Variants in SNX18 observed in about 807,000 individuals in gnomAD.
SNX18 encodes sorting nexin-18.
In SNX18, 35 loss-of-function variants were observed where a neutral mutation model predicts 48.7. The ratio of observed to expected loss-of-function variants is 0.72; its 90% CI spans 0.55 to 0.95. SNX18 has a LOEUF of 0.95. SNX18 is among the 40% of genes least tolerant of loss of function. SNX18 has a pLI of 0.00. For synonymous variants in SNX18, 492 were observed against 384.7 expected (o/e 1.28, Z -3.26); for missense variants, 824 against 871.0 (o/e 0.95, Z 0.68).
the SNX18 span, among the ~76,000 whole-genome samples, chr5:54,559,551 A>T: frequency 6.6e-6 from 1 of 152,170 alleles, no homozygotes. Context: ...CCTTCCTTAC[A>T]TCATATAATC....
At chr5:54,607,859 G>A in the SNX18 span, among the ~76,000 whole-genome samples, 12 of 152,208 alleles carry the variant, frequency 7.9e-5, no homozygotes, top group South Asian at 2.3e-3. Context: ...GCTTGAACCT[G>A]GGAGGCAGAG....
the SNX18 span, among the ~76,000 whole-genome samples, chr5:54,640,892 T>C: frequency 6.6e-6 from 1 of 152,232 alleles, no homozygotes; most frequent in Non-Finnish European, 1.5e-5. Flanking sequence ...AAACCCCATC[T>C]CTACTAAAAA....
At chr5:54,578,573 T>C in the SNX18 span, among the ~76,000 whole-genome samples, 1 of 152,186 alleles carries the variant, frequency 6.6e-6, no homozygotes, top group African/African-American at 2.4e-5. Context: ...GCTGCCTTTG[T>C]GGGGAGCTGA....
the SNX18 span, among the ~76,000 whole-genome samples, chr5:54,626,944 A>G: frequency 1.3e-5 from 2 of 152,216 alleles, no homozygotes; most frequent in Non-Finnish European, 2.9e-5. Context: ...TCTGCTTCAT[A>G]TGGTGGGCCC....
At chr5:54,532,319 C>CTTTTTTTTTTTTTTT (rs57856245) in intron 1 of SNX18, among the ~76,000 whole-genome samples, 2 of 130,992 alleles carry the variant, frequency 1.5e-5, no homozygotes, top group African/African-American at 2.9e-5. Context: ...TTTTTTTTTT[C>CTTTTTTTTTTTTTTT]TTTTTTTTTT....
the SNX18 span, among the ~76,000 whole-genome samples, chr5:54,607,302 G>A: frequency 2.0e-5 from 3 of 152,056 alleles, no homozygotes; most frequent in African/African-American, 4.8e-5. Flanking sequence ...ACTCCCCAAC[G>A]CCTAAGAAAA....
rs1762560903 is a variant in SNX18, at chr5:54,545,471, G to A, written c.*2039G>A. The stretch of plus-strand genomic sequence containing the variant: ...TGCAATGGTAGCATGGAAATTATCT[G>A]AGGTATATTGTATGATTGTACTTTA... On this transcript the variant is annotated 3_prime_UTR_variant, in exon 2 of 2. Transcript: ENST00000381410. The A allele has an allele frequency of 6.6e-6, 1 of 151,620 alleles. No individual in the cohort carries two copies. The highest frequency in any genetic ancestry group is 1.5e-5 in the Non-Finnish European group (1 of 67,950). 9.4% of individuals were successfully genotyped at this position (151,620 alleles called of 1,614,324 possible).
chr5:54,541,343 A>G (rs1311462483), intron 1 of SNX18, among the ~76,000 whole-genome samples: 2 of 152,214 alleles, frequency 1.3e-5, no homozygotes, highest in South Asian at 4.1e-4. Context: ...GGTCTTTTCA[A>G]CTTCAATTTC....
At chr5:54,606,294 T>C in the SNX18 span, among the ~76,000 whole-genome samples, 1 of 152,240 alleles carries the variant, frequency 6.6e-6, no homozygotes, top group Non-Finnish European at 1.5e-5. Flanking sequence ...TATCAGATAA[T>C]TCTTATATGA....
chr5:54,553,168 C>G, the SNX18 span, among the ~76,000 whole-genome samples: 1 of 152,086 alleles, frequency 6.6e-6, no homozygotes, highest in Admixed American at 6.6e-5. Context: ...AGGACTTTGG[C>G]TTTTTCTCTG....
chr5:54,549,862 G>A (rs1448754251), downstream of SNX18, among the ~76,000 whole-genome samples: 1 of 152,164 alleles, frequency 6.6e-6, no homozygotes, highest in Non-Finnish European at 1.5e-5. Context: ...AGTGGCTTTT[G>A]GGGCAGCCAT....
At chr5:54,539,630 G>A (rs933644677) in intron 1 of SNX18, among the ~76,000 whole-genome samples, 21 of 152,022 alleles carry the variant, frequency 1.4e-4, no homozygotes, top group African/African-American at 5.1e-4. Flanking sequence ...CTGCCCTGAC[G>A]GTGCTTTGTG....
chr5:54,519,878 A>G (rs1404017421), intron 1 of SNX18: 1 of 1,506,118 alleles, frequency 6.6e-7, no homozygotes, highest in East Asian at 2.3e-5. Context: ...CAAATCTGTA[A>G]TCTTGAGACG....
intron 1 of SNX18, among the ~76,000 whole-genome samples, chr5:54,542,161 C>T (rs1482923698): frequency 6.6e-6 from 1 of 152,192 alleles, no homozygotes; most frequent in Non-Finnish European, 1.5e-5. Context: ...TATTACTACT[C>T]ATTCCTAAGA....
At chr5:54,609,297 G>C in the SNX18 span, among the ~76,000 whole-genome samples, 1 of 151,670 alleles carries the variant, frequency 6.6e-6, no homozygotes, top group East Asian at 2.0e-4. Flanking sequence ...TATTGAGGTG[G>C]GCAGTACAGC....
intron 1 of SNX18, among the ~76,000 whole-genome samples, chr5:54,530,022 T>C (rs1008569205): frequency 6.6e-6 from 1 of 152,152 alleles, no homozygotes. Context: ...TCAGAGGCTC[T>C]AGGAGAGACC....
At chr5:54,569,593 A>T in the SNX18 span, among the ~76,000 whole-genome samples, 1 of 152,116 alleles carries the variant, frequency 6.6e-6, no homozygotes, top group Non-Finnish European at 1.5e-5. Context: ...CTTCACTTTC[A>T]TGGCTGGCAC....
At chr5:54,637,627 G>A in the SNX18 span, among the ~76,000 whole-genome samples, 2 of 152,140 alleles carry the variant, frequency 1.3e-5, no homozygotes, top group Non-Finnish European at 2.9e-5. Flanking sequence ...GAGGAGACAC[G>A]CCAGAGTGGT....
At chr5:54,547,420 A>G (rs1371143592), downstream of SNX18, among the ~76,000 whole-genome samples, 3 of 152,246 alleles carry the variant, frequency 2.0e-5, no homozygotes, top group East Asian at 5.8e-4. Flanking sequence ...GCTCAAGCCT[A>G]TTATTTTTAA....
Sources: allele counts gnomAD v4.1 joint callset (sites outside exome capture counted in the v4.1 genomes callset), GRCh38; gene constraint gnomAD v4.1.1; transcripts MANE v1.5; gene names NCBI Gene and HGNC (gene_info 2026-07-23, HGNC 2026-07-21).